Variants in ADAM23 observed in about 807,000 individuals in gnomAD.
The protein encoded by ADAM23 is ADAM metallopeptidase domain 23, also known as disintegrin and metalloproteinase domain-containing protein 23.
ADAM23 carries 33 observed loss-of-function variants against 120.1 expected under a neutral mutation model. The ratio of observed to expected loss-of-function variants is 0.27; its 90% CI spans 0.21 to 0.37. The LOEUF (loss-of-function observed/expected upper bound fraction) is 0.37. Among genes scored for constraint, ADAM23 ranks in the 10% least tolerant of loss-of-function variants. The pLI, the probability that ADAM23 is intolerant of heterozygous loss-of-function variation, is 1.00. For missense variants in ADAM23, 862 were observed against 1,058.2 expected (o/e 0.81, Z 2.57); for synonymous variants, 367 against 375.2 (o/e 0.98, Z 0.25).
At chr2:206,465,950 A>G (rs1298733996) in intron 2 of ADAM23, among the ~76,000 whole-genome samples, 1 of 152,212 alleles carries the variant, frequency 6.6e-6, no homozygotes, top group African/African-American at 2.4e-5. Context: ...GATGTGGGAT[A>G]TATCTTAATT....
At chr2:206,552,192 T>G (rs1292501700) in intron 9 of ADAM23, among the ~76,000 whole-genome samples, 1 of 152,174 alleles carries the variant, frequency 6.6e-6, no homozygotes, top group Non-Finnish European at 1.5e-5. Flanking sequence ...AAATAATAAT[T>G]AAGATATATT....
chr2:206,459,219 G>A (rs1456288209), intron 2 of ADAM23, among the ~76,000 whole-genome samples: 1 of 152,174 alleles, frequency 6.6e-6, no homozygotes, highest in South Asian at 2.1e-4. Flanking sequence ...ACTGTCACTT[G>A]TTCCCTTCAG....
At chr2:206,522,804 A>ATT (rs5838025) in intron 3 of ADAM23, among the ~76,000 whole-genome samples, 300 of 146,854 alleles carry the variant, frequency 2.0e-3, no homozygotes, top group African/African-American at 4.7e-3. Flanking sequence ...CTTGTGTTTA[A>ATT]TTTTTTTTTT....
intron 3 of ADAM23, among the ~76,000 whole-genome samples, chr2:206,520,309 A>G (rs2105789497): frequency 6.6e-6 from 1 of 152,312 alleles, no homozygotes; most frequent in Non-Finnish European, 1.5e-5. Context: ...TAGGTAGGAC[A>G]AAAAGAGAGG....
intron 25 of ADAM23, among the ~76,000 whole-genome samples, chr2:206,612,922 G>A (rs879490549): frequency 1.5e-4 from 23 of 152,256 alleles, no homozygotes; most frequent in Admixed American, 1.2e-3. Flanking sequence ...GAGTCAGACC[G>A]CTTTGGTTAA....
intron 15 of ADAM23, among the ~76,000 whole-genome samples, chr2:206,568,429 C>T (rs757373992): frequency 6.6e-6 from 1 of 152,170 alleles, no homozygotes; most frequent in Non-Finnish European, 1.5e-5. Flanking sequence ...ATTTATACCT[C>T]ATAAGGTAAA....
intron 3 of ADAM23, among the ~76,000 whole-genome samples, chr2:206,498,227 A>G (rs572996206): frequency 6.6e-6 from 1 of 152,362 alleles, no homozygotes; most frequent in African/African-American, 2.4e-5. Context: ...AGCTGGAGGC[A>G]TCGAGCTACT....
intron 4 of ADAM23, 61 bp downstream of exon 4, chr2:206,531,009 G>A (rs1697050186): frequency 7.3e-7 from 1 of 1,375,210 alleles, no homozygotes; most frequent in Non-Finnish European, 1.0e-6. Flanking sequence ...GAGTTGATCA[G>A]TGCACACTGC....
intron 19 of ADAM23, 80 bp from the exon 20 acceptor site, chr2:206,588,011 C>A: frequency 6.9e-7 from 1 of 1,454,490 alleles, no homozygotes. Flanking sequence ...TCCAAGTGAA[C>A]CAGAAGGAGA....
At chr2:206,492,004 TTTA>T (rs1696144366) in intron 3 of ADAM23, among the ~76,000 whole-genome samples, 1 of 152,190 alleles carries the variant, frequency 6.6e-6, no homozygotes, top group South Asian at 2.1e-4. Flanking sequence ...TTCACAAATG[TTTA>T]TTGAGTGCCT....
chr2:206,510,227 T>C (rs1440605029), intron 3 of ADAM23, among the ~76,000 whole-genome samples: 7 of 152,320 alleles, frequency 4.6e-5, no homozygotes, highest in African/African-American at 1.7e-4. Flanking sequence ...TTAATAAATA[T>C]TAAATTTAAA....
In ADAM23 at chr2:206,473,302, C is replaced by T. The variant is rs115936661; in HGVS notation, c.433-7930C>T. On this transcript the variant is annotated intron_variant, in intron 2 of 25. Coordinates refer to ENST00000264377, the MANE Select transcript of ADAM23 (RefSeq NM_003812.4). Reference sequence around the variant, plus strand: ...GCTGTCTGAATTCTTTCTTTAAATGCGGAGAAAGTCTTCCTCATAAGCCAT... The same window carrying T: ...GCTGTCTGAATTCTTTCTTTAAATGTGGAGAAAGTCTTCCTCATAAGCCAT... Among the ~76,000 whole-genome samples, 422 of 152,200 alleles carry T rather than the reference C, an allele frequency of 2.8e-3. 4 individuals carry two copies. The highest frequency in any genetic ancestry group is 9.2e-3 in the African/African-American group (382 of 41,522).
intron 22 of ADAM23, 132 bp downstream of exon 22, chr2:206,592,868 A>G (rs1334858539): frequency 9.0e-7 from 1 of 1,115,566 alleles, no homozygotes; most frequent in South Asian, 1.6e-5. Context: ...AGATTTTATT[A>G]TCACCTTTCA....
intron 13 of ADAM23, among the ~76,000 whole-genome samples, chr2:206,563,630 G>C (rs1021678255): frequency 2.0e-5 from 3 of 152,148 alleles, no homozygotes; most frequent in African/African-American, 7.2e-5. Context: ...GCCAGTGCTA[G>C]AGTCAGCTGA....
chr2:206,554,497 G>A (rs1413146917), intron 9 of ADAM23, among the ~76,000 whole-genome samples: 12 of 151,964 alleles, frequency 7.9e-5, no homozygotes, highest in Admixed American at 7.9e-4. Context: ...AAATATGTGA[G>A]GATAATTTAA....
chr2:206,477,903 T>C (rs867546133), intron 2 of ADAM23, among the ~76,000 whole-genome samples: 15 of 135,540 alleles, frequency 1.1e-4, no homozygotes, highest in African/African-American at 2.9e-5. Context: ...AAAAAATATA[T>C]ATATATATAT....
At chr2:206,564,281 C>T (rs964271831) in intron 13 of ADAM23, among the ~76,000 whole-genome samples, 5 of 151,818 alleles carry the variant, frequency 3.3e-5, no homozygotes, top group African/African-American at 1.2e-4. Context: ...AGAGAAGAGC[C>T]CATCACAATA....
intron 2 of ADAM23, among the ~76,000 whole-genome samples, chr2:206,475,639 G>C (rs952083145): frequency 8.6e-5 from 13 of 151,832 alleles, no homozygotes; most frequent in Admixed American, 1.3e-4. Flanking sequence ...GTGGACTCTT[G>C]TTCTCAGCAG....
intron 4 of ADAM23, among the ~76,000 whole-genome samples, chr2:206,541,178 A>C (rs1423688807): frequency 6.6e-6 from 1 of 151,588 alleles, no homozygotes; most frequent in African/African-American, 2.4e-5. Flanking sequence ...AGAAAAAAAT[A>C]AAAATAAAAG....
Sources: allele counts gnomAD v4.1 joint callset (sites outside exome capture counted in the v4.1 genomes callset), GRCh38; gene constraint gnomAD v4.1.1; transcripts MANE v1.5; gene names NCBI Gene and HGNC (gene_info 2026-07-23, HGNC 2026-07-21).